Variants in ZFYVE19 observed in about 807,000 individuals in gnomAD.
ZFYVE19 encodes the protein abscission/NoCut checkpoint regulator.
ZFYVE19 carries 49 observed loss-of-function variants against 62.8 expected under a neutral mutation model. The ratio of observed to expected loss-of-function variants is 0.78; its 90% CI spans 0.62 to 0.99. The LOEUF is 0.99. Among genes scored for constraint, ZFYVE19 ranks in the 50% least tolerant of loss-of-function variants. The pLI, the probability that ZFYVE19 is intolerant of heterozygous loss-of-function variation, is 0.00. For missense variants in ZFYVE19, 630 were observed against 601.9 expected (o/e 1.05, Z -0.49); for synonymous variants, 242 against 234.3 (o/e 1.03, Z -0.30).
In ZFYVE19 at chr15:40,814,705, G is replaced by GC; in HGVS notation, c.*482dup. 5.5e-6 allele frequency: 1 copy of GC among 181,684 alleles called. No individual in the cohort carries two copies. Among genetic ancestry groups the GC allele is most frequent in the Admixed American group, 5.4e-5 (1 of 18,500 alleles). The allele number at this position is 181,684 out of a possible 1,614,324, so 11.3% of individuals were successfully genotyped here. A position where few individuals can be genotyped will look rare whatever the true frequency, so the allele number is the denominator to read the frequency against. On this transcript the variant is annotated 3_prime_UTR_variant, in exon 11 of 11. Transcript: ENST00000355341. ...CTATGAACTTCTCCAGGCAGGAACAGCCCTACCCATCCTGGTGGCCTCATA... is the reference window on the plus strand; with the variant it reads ...CTATGAACTTCTCCAGGCAGGAACAGCCCCTACCCATCCTGGTGGCCTCATA...
rs755194535 is a variant in ZFYVE19 at position 40,813,435 on chromosome 15, A to T, written c.1110+18A>T. ...TGCAGCAGGTGGGCCTGGATTACCC[A>T]CCTGCCACCCCTTGTCCCGTCTCCG... On this transcript the variant is annotated intron_variant, in intron 8 of 10. Coordinates refer to ENST00000355341, the MANE Select transcript of ZFYVE19 (RefSeq NM_001077268.2). 1.9e-6 allele frequency: 3 copies of T among 1,583,706 alleles called. No individual in the cohort carries two copies. Among genetic ancestry groups the T allele is most frequent in the Non-Finnish European group, 2.6e-6 (3 of 1,165,098 alleles).
Position 40,807,331 on chromosome 15 carries a change from G to C in ZFYVE19, c.-259G>C. The C allele has an allele frequency of 6.2e-7, 1 of 1,614,254 alleles. No homozygotes were observed. The highest frequency in any genetic ancestry group is 8.5e-7 in the Non-Finnish European group (1 of 1,180,046). ...GGCGCTAGGACAGGAAGGACCGCCA[G>C]ACCTCTCAAGATCAGCCTTCCTCGC... On this transcript the variant is annotated 5_prime_UTR_variant, in exon 1 of 11. Transcript: ENST00000355341.
chr15:40,810,308 T>C, intron 5 of ZFYVE19, 92 bp downstream of exon 5: 5 of 1,520,762 alleles, frequency 3.3e-6, no homozygotes, highest in Non-Finnish European at 4.4e-6. Context: ...ACAAAAGTAA[T>C]TGTGGTTTTT....
chr15:40,809,476 A>G lies in ZFYVE19; in HGVS notation c.452+18A>G. 1.2e-6 allele frequency: 2 copies of G among 1,613,868 alleles called. No individual in the cohort carries two copies. The highest frequency in any genetic ancestry group is 1.7e-6 in the Non-Finnish European group (2 of 1,179,790). ...TATAAGAAGTAAGTGCTGAAGAGAA[A>G]AAGACAAAGAGCATTGGGGAAAGGA... is the stretch of plus-strand genomic sequence containing the variant. On this transcript the variant is annotated intron_variant, in intron 3 of 10. Coordinates refer to ENST00000355341, the MANE Select transcript of ZFYVE19 (RefSeq NM_001077268.2).
At chr15:40,813,604 A>G in intron 8 of ZFYVE19, 109 bp from the exon 9 acceptor site, 9 of 1,220,960 alleles carry the variant, frequency 7.4e-6, no homozygotes, top group Non-Finnish European at 1.0e-5. Flanking sequence ...GGCCACAAGT[A>G]AAGAAAAAGA....
At chr15:40,813,463 T>A in intron 8 of ZFYVE19, 46 bp downstream of exon 8, 1 of 1,532,536 alleles carries the variant, frequency 6.5e-7, no homozygotes, top group South Asian at 1.2e-5. Flanking sequence ...CGTCTCCGCC[T>A]CATTGCCCCA....
chr15:40,810,117 A>G lies in ZFYVE19; in HGVS notation c.618A>G (p.Leu206=). 6.2e-7 allele frequency: 1 copy of G among 1,614,176 alleles called. No homozygotes were observed. Among genetic ancestry groups the G allele is most frequent in the East Asian group, 2.2e-5 (1 of 44,880 alleles). The part of the protein sequence containing the change: ...QAEIEARLAA[L]KDERQGSIPS... ...AGATAGAGGCACGGCTGGCTGCCCT[A>G]AAGGATGAACGTCAGGGTTCCATCC... The change falls in exon 5 of 11, where the codon CTA becomes CTG. Residue 206 remains leucine (L), a synonymous_variant. Coordinates refer to ENST00000355341, the MANE Select transcript of ZFYVE19 (RefSeq NM_001077268.2).
chr15:40,809,081 G>A (rs751764274), intron 1 of ZFYVE19, 38 bp from the exon 2 acceptor site: 3 of 1,608,014 alleles, frequency 1.9e-6, no homozygotes, highest in East Asian at 2.2e-5. Flanking sequence ...CTGCAGGGGC[G>A]GGTGAGAGGG....
chr15:40,808,923 T>A (rs2141974413), intron 1 of ZFYVE19, 196 bp from the exon 2 acceptor site: 2 of 624,006 alleles, frequency 3.2e-6, no homozygotes, highest in East Asian at 5.7e-5. Context: ...AACCTTCATT[T>A]GGCTTGAATA....
At chr15:40,810,523 C>T in intron 5 of ZFYVE19, 126 bp from the exon 6 acceptor site, 2 of 1,471,742 alleles carry the variant, frequency 1.4e-6, no homozygotes, top group Non-Finnish European at 1.8e-6. Flanking sequence ...GCCAGACCTA[C>T]TTGATTATGT....
chr15:40,814,527 C>T lies in ZFYVE19; in HGVS notation c.*301C>T, dbSNP rs538368294. On this transcript the variant is annotated 3_prime_UTR_variant, in exon 11 of 11. Transcript: ENST00000355341. ...CTGGCTCTAGGGCACAGGCCCCTCC[C>T]CTGGCACTTAGTGGGTCTAATAAAG... 12 of 466,622 alleles carry T rather than the reference C, an allele frequency of 2.6e-5. No homozygotes were observed. In the South Asian group the frequency reaches 2.6e-4, roughly 10 times the overall value. 28.9% of individuals were successfully genotyped at this position (466,622 alleles called of 1,614,324 possible). A position where few individuals can be genotyped will look rare whatever the true frequency, so the allele number is the denominator to read the frequency against.
At chr15:40,808,031 C>A (rs757452285) in intron 1 of ZFYVE19, 163 bp downstream of exon 1, 1 of 1,092,972 alleles carries the variant, frequency 9.1e-7, no homozygotes, top group East Asian at 2.6e-5. Flanking sequence ...GGCTAACATT[C>A]TCTCGCTTTC....
rs896295077 is a variant in ZFYVE19, at chr15:40,807,222, C to T, written c.-368C>T. On this transcript the variant is annotated 5_prime_UTR_variant, in exon 1 of 11. Transcript: ENST00000355341. ...GACCGTCCAGGAAATGTCTGGGAGC[C>T]CGCCTGCGGAGGGCATAGCGCCGAC... is the stretch of plus-strand genomic sequence containing the variant. The T allele has an allele frequency of 4.2e-5, 65 of 1,534,334 alleles. No individual in the cohort carries two copies. Among genetic ancestry groups the T allele is most frequent in the Admixed American group, 2.0e-4 (10 of 49,744 alleles).
chr15:40,808,129 C>CTATTTAATTTTTTTTT, intron 1 of ZFYVE19: 1 of 1,468,696 alleles, frequency 6.8e-7, no homozygotes, highest in Non-Finnish European at 9.3e-7. Flanking sequence ...TGCAAAGCTA[C>CTATTTAATTTTTTTTT]TCTTTTCTGT....
intron 8 of ZFYVE19, 85 bp downstream of exon 8, chr15:40,813,502 A>C: frequency 7.1e-7 from 1 of 1,404,848 alleles, no homozygotes; most frequent in African/African-American, 1.4e-5. Context: ...GTGGACAGTA[A>C]CTGTGAAGCT....
At chr15:40,808,307 C>A in intron 1 of ZFYVE19, 1 of 1,597,842 alleles carries the variant, frequency 6.3e-7, no homozygotes, top group Non-Finnish European at 8.5e-7. Flanking sequence ...CTCCTGCTTC[C>A]GGGGCACCAT....
Position 40,808,880 on chromosome 15 carries a change from A to G in ZFYVE19, c.280-239A>G, listed in dbSNP as rs1890376583. ...TCTACATCCCTGGGTCAGGGAATTGAAGACAGGGTAGAAAGCATGGGAATT... is the reference window on the plus strand; with the variant it reads ...TCTACATCCCTGGGTCAGGGAATTGGAGACAGGGTAGAAAGCATGGGAATT... On this transcript the variant is annotated intron_variant, in intron 1 of 10. Transcript: ENST00000355341. 6 of 469,734 alleles carry G rather than the reference A, an allele frequency of 1.3e-5. No homozygotes were observed. In the South Asian group the frequency reaches 1.5e-4, roughly 11 times the overall value. 29.1% of individuals were successfully genotyped at this position (469,734 alleles called of 1,614,324 possible).
chr15:40,812,944 A>G lies in ZFYVE19; in HGVS notation c.1030+42A>G, dbSNP rs909027779. ...AGCTGCTCACTGGTATCCCTTGGTC[A>G]AGGCCTCCCTGGCAGGGCTGAGTCA... is the stretch of plus-strand genomic sequence containing the variant. On this transcript the variant is annotated intron_variant, in intron 7 of 10. Coordinates refer to ENST00000355341, the MANE Select transcript of ZFYVE19 (RefSeq NM_001077268.2). 8.1e-6 allele frequency: 13 copies of G among 1,598,924 alleles called. No homozygotes were observed. The African/African-American group carries it at 1.7e-4, about 21-fold the overall frequency.
In ZFYVE19 at chr15:40,807,629, C is replaced by T. The variant is rs200489257; in HGVS notation, c.40C>T (p.Pro14Ser). The change falls in exon 1 of 11, where the codon CCG becomes TCG. Residue 14 changes from proline to serine, a missense_variant. Physicochemically the swap from Pro to Ser is moderately conservative, Grantham distance 74. Coordinates refer to ENST00000355341, the MANE Select transcript of ZFYVE19 (RefSeq NM_001077268.2). Reference protein sequence around the residue: ...DSQQPPLPPLPYAGCRRASGF... With the variant: ...DSQQPPLPPLSYAGCRRASGF... ...CCAGCAGCCCCCGTTGCCGCCGCTG[C>T]CGTACGCTGGCTGCAGGAGAGCGTC... 418 of 1,613,194 alleles carry T rather than the reference C, an allele frequency of 2.6e-4. No individual in the cohort carries two copies. The African/African-American group carries it at 5.1e-3, about 20-fold the overall frequency.
Sources: allele counts gnomAD v4.1 joint callset, GRCh38; gene constraint gnomAD v4.1.1; transcripts MANE v1.5; gene names NCBI Gene and HGNC (gene_info 2026-07-23, HGNC 2026-07-21).